The following CFAP74 variants were observed in gnomAD, a reference collection of about 807,000 sequenced individuals.
The protein encoded by CFAP74 is cilia- and flagella-associated protein 74.
A neutral mutation model predicts 188.9 loss-of-function variants in CFAP74; 124 were observed. The ratio of observed to expected loss-of-function variants is 0.66; its 90% confidence interval spans 0.57 to 0.76. The LOEUF (loss-of-function observed/expected upper bound fraction) is 0.76, where lower values mean the gene tolerates loss of function less well. CFAP74 is among the 30% of genes least tolerant of loss of function. The probability of loss-of-function intolerance (pLI) is 0.00; values close to 1 mark genes in which losing one functional copy is unlikely to be tolerated. For synonymous variants in CFAP74, 956 were observed against 916.7 expected (o/e 1.04, Z -0.77); for missense variants, 2,198 against 2,165.2 (o/e 1.02, Z -0.30).
At position 1,924,367 on chromosome 1, in the gene CFAP74, ACCCACCC is replaced by A; in HGVS notation, c.4234+17_4234+23del. Reference sequence around the variant, plus strand: ...TCACCGCCCACCCCCGCAGCTCACCACCCACCCCCCACCCCCCGCTCACCGACCACCT... The same window carrying A: ...TCACCGCCCACCCCCGCAGCTCACCACCCACCCCCCGCTCACCGACCACCT... On this transcript the variant is annotated intron_variant, in intron 34 of 38. Transcript: ENST00000682832. The A allele has an allele frequency of 3.8e-4, 17 of 44,570 alleles. No homozygotes were observed. Among genetic ancestry groups the A allele is most frequent in the Non-Finnish European group, 8.4e-4 (17 of 20,220 alleles). The allele number at this position is 44,570 out of a possible 1,614,324, so 2.8% of individuals were successfully genotyped here. A position where few individuals can be genotyped will look rare whatever the true frequency, so the allele number is the denominator to read the frequency against.
At chr1:1,965,094 T>G in intron 12 of CFAP74, 33 bp from the exon 13 acceptor site, 1 of 1,597,186 alleles carries the variant, frequency 6.3e-7, no homozygotes. Context: ...CTGGGGCTGT[T>G]AGCGGCTCCA....
At chr1:1,981,795 C>G (rs1406307996) in intron 6 of CFAP74, among the ~76,000 whole-genome samples, 5 of 102,250 alleles carry the variant, frequency 4.9e-5, no homozygotes, top group Admixed American at 1.2e-4. Context: ...GCCGCGGTCA[C>G]ACGCGGGGGC....
intron 16 of CFAP74, among the ~76,000 whole-genome samples, chr1:1,957,444 C>T (rs1654725241): frequency 6.6e-6 from 1 of 152,206 alleles, no homozygotes; most frequent in African/African-American, 2.4e-5. Context: ...GAGGCCGCCT[C>T]CTTCCCGCCT....
At chr1:1,993,108 C>G (rs28535542) in intron 1 of CFAP74, among the ~76,000 whole-genome samples, 83,596 of 147,714 alleles carry the variant, frequency 0.57, 26,062 homozygotes, top group African/African-American at 0.85. Context: ...GGCTGAGGCC[C>G]GAGAATTGCT....
chr1:1,972,129 G>C lies in CFAP74; in HGVS notation c.786-47C>G, dbSNP rs1285379081. On this transcript the variant is annotated intron_variant, in intron 8 of 38. Transcript: ENST00000682832. Reference sequence around the variant, plus strand: ...TTTTTGAGGCTCTGTCGCCCAGGCTGGTGTGCAGTGGTGCGATCACAGCTC... The same window carrying C: ...TTTTTGAGGCTCTGTCGCCCAGGCTCGTGTGCAGTGGTGCGATCACAGCTC... 2.9e-6 allele frequency: 4 copies of C among 1,398,446 alleles called. No individual in the cohort carries two copies. In the African/African-American group the frequency reaches 5.6e-5, roughly 20 times the overall value. 86.6% of individuals were successfully genotyped at this position (1,398,446 alleles called of 1,614,324 possible).
At chr1:1,932,332 G>C (rs557435754) in intron 25 of CFAP74, among the ~76,000 whole-genome samples, 1 of 150,768 alleles carries the variant, frequency 6.6e-6, no homozygotes, top group South Asian at 2.1e-4. Context: ...AGGAGGCGGA[G>C]CTTGCAGTGA....
chr1:1,958,959 T>G (rs1431261558), intron 16 of CFAP74, among the ~76,000 whole-genome samples, 161 bp downstream of exon 16: 10 of 152,176 alleles, frequency 6.6e-5, no homozygotes, highest in Admixed American at 6.5e-4. Flanking sequence ...CAGGCCCACC[T>G]GAGCTGCTGT....
intron 10 of CFAP74, among the ~76,000 whole-genome samples, chr1:1,970,451 T>G (rs1655868684): frequency 6.6e-6 from 1 of 151,762 alleles, no homozygotes; most frequent in Admixed American, 6.6e-5. Context: ...TGGACTGGAG[T>G]AGGGGCAGGG....
chr1:1,991,866 C>G (rs530750222), intron 1 of CFAP74, among the ~76,000 whole-genome samples: 4 of 151,628 alleles, frequency 2.6e-5, no homozygotes, highest in Non-Finnish European at 5.9e-5. Context: ...AGTGAAACCC[C>G]ATCTCTACTA....
At chr1:1,956,084 CG>C (rs1451237016) in intron 17 of CFAP74, among the ~76,000 whole-genome samples, 1 of 152,212 alleles carries the variant, frequency 6.6e-6, no homozygotes, top group Non-Finnish European at 1.5e-5. Context: ...CACTCCAGGC[CG>C]GGTGGGCATG....
Position 1,963,828 on chromosome 1 carries a change from A to T in CFAP74, c.1615T>A (p.Leu539Met). Reference sequence around the variant, plus strand: ...TTGATCGTGTAGGTGGTGTTTACCAACGTGATCTTTTTCTTGTACACTTTG... The same window carrying T: ...TTGATCGTGTAGGTGGTGTTTACCATCGTGATCTTTTTCTTGTACACTTTG... Reference protein sequence around the residue: ...IGKVYKKKITLVNTTYTINYC... With the variant: ...IGKVYKKKITMVNTTYTINYC... Residue 539 changes from leucine (L) to methionine (M), a missense_variant, in exon 14 of 39, where the codon TTG (leucine) becomes ATG (methionine). Physicochemically the swap from Leu to Met is conservative, Grantham distance 15. Coordinates refer to ENST00000682832, the MANE Select transcript of CFAP74 (RefSeq NM_001304360.2). 1 of 1,613,822 alleles carries T rather than the reference A, an allele frequency of 6.2e-7. No individual in the cohort carries two copies. Among genetic ancestry groups the T allele is most frequent in the South Asian group, 1.1e-5 (1 of 91,048 alleles).
In CFAP74 at chr1:1,942,871, G is replaced by A. The variant is rs2102048056; in HGVS notation, c.2487-715C>T. ...GGGGGGACCCAGAGGGTGTGGCAGT[G>A]AGAAATCTCCTCCCTCCTGTGCTTC... On this transcript the variant is annotated intron_variant, in intron 21 of 38. Coordinates refer to ENST00000682832, the MANE Select transcript of CFAP74 (RefSeq NM_001304360.2). This position sits in a 1 kb window ranked among gnomAD's most constrained non-coding sequence, Gnocchi z 4.3. 6.6e-6 allele frequency among the ~76,000 whole-genome samples: 1 copy of A among 152,282 alleles called. No individual in the cohort carries two copies. Among genetic ancestry groups the A allele is most frequent in the South Asian group, 2.1e-4 (1 of 4,828 alleles).
chr1:1,938,214 C>T (rs1653063303), intron 25 of CFAP74, among the ~76,000 whole-genome samples: 1 of 139,404 alleles, frequency 7.2e-6, no homozygotes, highest in African/African-American at 2.7e-5. Context: ...CTCACACATA[C>T]ATGCACTCAC....
Position 1,968,665 on chromosome 1 carries a change from C to T in CFAP74, c.1215G>A (p.Lys405=). Reference sequence around the variant, plus strand: ...TGTACGTGTTGGTTGGGACTGTGGTCTTCTTGCAAAAGTCAGAAATGTAGT... The same window carrying T: ...TGTACGTGTTGGTTGGGACTGTGGTTTTCTTGCAAAAGTCAGAAATGTAGT... ...TWNYISDFCK[K]TTVPTNTYTL... is the part of the protein sequence containing the mutation. Residue 405 remains lysine, a synonymous_variant, in exon 11 of 39, where the codon AAG becomes AAA. Coordinates refer to ENST00000682832, the MANE Select transcript of CFAP74 (RefSeq NM_001304360.2). The surrounding 1 kb of genome is among the most constrained non-coding windows in gnomAD (Gnocchi z 4.3). 6.2e-7 allele frequency: 1 copy of T among 1,605,202 alleles called. No homozygotes were observed. Among genetic ancestry groups the T allele is most frequent in the Non-Finnish European group, 8.5e-7 (1 of 1,175,472 alleles).
intron 11 of CFAP74, among the ~76,000 whole-genome samples, chr1:1,967,822 A>C (rs1049850245): frequency 1.8e-4 from 28 of 152,202 alleles, no homozygotes; most frequent in African/African-American, 6.8e-4. Flanking sequence ...CTAGAAATAC[A>C]TTCCCCCAAC....
chr1:1,938,140 CA>C (rs2102043162), intron 25 of CFAP74, among the ~76,000 whole-genome samples: 2 of 150,738 alleles, frequency 1.3e-5, no homozygotes, highest in South Asian at 4.2e-4. Context: ...CACATGCTCA[CA>C]CATACATGCA....
chr1:1,996,643 G>A (rs1427005166), intron 1 of CFAP74, among the ~76,000 whole-genome samples: 4 of 152,238 alleles, frequency 2.6e-5, no homozygotes, highest in Non-Finnish European at 2.9e-5. Context: ...AATACTGGCC[G>A]GGTGCGGGCG....
At chr1:1,935,495 CAT>C (rs145315324) in intron 25 of CFAP74, among the ~76,000 whole-genome samples, 1,607 of 92,768 alleles carry the variant, frequency 0.017, 46 homozygotes, top group African/African-American at 0.053. Context: ...TGTAGGTACA[CAT>C]GTGTGCACGT....
chr1:1,946,248 C>T (rs1463432301), intron 20 of CFAP74, 69 bp downstream of exon 20: 37 of 1,462,482 alleles, frequency 2.5e-5, no homozygotes, highest in Middle Eastern at 1.8e-4. Context: ...TGGCCAAGGG[C>T]AGCTGCCACA....
Sources: gnomAD v4.1 joint callset for allele counts (sites outside exome capture counted in the v4.1 genomes callset) on GRCh38, gnomAD v4.1.1 for gene constraint, Gnocchi (gnomAD v3.1) non-coding constraint, MANE v1.5 for transcripts, NCBI Gene and HGNC (gene_info 2026-07-23, HGNC 2026-07-21) for gene names.